DLGAP1: variants seen among roughly 807,000 people sequenced by gnomAD.
The protein encoded by DLGAP1 is DLG associated protein 1, also known as disks large-associated protein 1.
In DLGAP1, 11 loss-of-function variants were observed where a neutral mutation model predicts 90.8. The observed-to-expected ratio is 0.12, with a 90% CI of 0.08 to 0.20. The LOEUF is 0.20. DLGAP1 is among the 10% of genes least tolerant of loss of function. DLGAP1 has a pLI of 1.00. For missense variants in DLGAP1, 1,050 were observed against 1,333.8 expected (o/e 0.79, Z 3.31); for synonymous variants, 558 against 540.7 (o/e 1.03, Z -0.44).
At chr18:3,868,865 A>G (rs1369648227) in intron 4 of DLGAP1, among the ~76,000 whole-genome samples, 8 of 152,140 alleles carry the variant, frequency 5.3e-5, no homozygotes, top group Non-Finnish European at 7.4e-5. Context: ...AGAATGATAT[A>G]CCTGGCTTAG....
chr18:3,858,429 T>C (rs563636333), intron 4 of DLGAP1, among the ~76,000 whole-genome samples: 1 of 151,272 alleles, frequency 6.6e-6, no homozygotes, highest in East Asian at 1.9e-4. Flanking sequence ...TACTTAGTGC[T>C]CACAAGTGTC....
At chr18:3,862,151 G>C (rs148349634) in intron 4 of DLGAP1, among the ~76,000 whole-genome samples, 25 of 152,276 alleles carry the variant, frequency 1.6e-4, no homozygotes, top group African/African-American at 6.0e-4. Flanking sequence ...CTTTCCCTTT[G>C]GCCAAAGGCA....
chr18:4,145,102 C>T (rs906208349), intron 2 of DLGAP1, among the ~76,000 whole-genome samples: 3 of 152,068 alleles, frequency 2.0e-5, no homozygotes, highest in Non-Finnish European at 4.4e-5. Context: ...GTCTTGGTTG[C>T]CCAATTAACA....
At chr18:4,109,372 C>T (rs1441964722) in intron 2 of DLGAP1, among the ~76,000 whole-genome samples, 3 of 152,208 alleles carry the variant, frequency 2.0e-5, no homozygotes, top group African/African-American at 7.2e-5. Context: ...AGAGGTTCCA[C>T]CCACACTCAA....
At chr18:4,089,565 C>A (rs527245298) in intron 2 of DLGAP1, among the ~76,000 whole-genome samples, 1 of 152,196 alleles carries the variant, frequency 6.6e-6, no homozygotes, top group East Asian at 1.9e-4. Flanking sequence ...TACAAGGCTA[C>A]AGTAACCAAA....
chr18:3,742,949 T>TCTATCTTCCTTC (rs144171196), intron 5 of DLGAP1, among the ~76,000 whole-genome samples: 60 of 142,760 alleles, frequency 4.2e-4, no homozygotes, highest in African/African-American at 1.6e-3. Flanking sequence ...TATCAATTTA[T>TCTATCTTCCTTC]CTTCCTTCCT....
intron 7 of DLGAP1, among the ~76,000 whole-genome samples, chr18:3,611,483 C>T (rs1009653712): frequency 4.6e-5 from 7 of 152,164 alleles, no homozygotes; most frequent in African/African-American, 9.7e-5. Context: ...AGATTCCCTA[C>T]GTTCTAGTTA....
intron 1 of DLGAP1, among the ~76,000 whole-genome samples, chr18:4,239,268 G>A (rs2078480421): frequency 6.6e-6 from 1 of 152,166 alleles, no homozygotes; most frequent in Non-Finnish European, 1.5e-5. Flanking sequence ...GAAGGACTGT[G>A]TTTTGATCTA....
chr18:3,801,517 C>T (rs1218460986), intron 5 of DLGAP1, among the ~76,000 whole-genome samples: 1 of 152,160 alleles, frequency 6.6e-6, no homozygotes, highest in African/African-American at 2.4e-5. Flanking sequence ...CAAATCCCGA[C>T]TGTGACACTT....
chr18:4,108,045 T>C (rs1439904992), intron 2 of DLGAP1, among the ~76,000 whole-genome samples: 1 of 152,192 alleles, frequency 6.6e-6, no homozygotes, highest in Non-Finnish European at 1.5e-5. Flanking sequence ...TCCTATTCCC[T>C]CTCTCCTGAA....
intron 1 of DLGAP1, among the ~76,000 whole-genome samples, chr18:4,391,611 C>T (rs1363299717): frequency 6.6e-6 from 1 of 152,124 alleles, no homozygotes; most frequent in Non-Finnish European, 1.5e-5. Context: ...CCCATAACAT[C>T]CCTTTTGAAT....
Position 3,959,872 on chromosome 18 carries a change from A to T in DLGAP1, c.-73+45244T>A, listed in dbSNP as rs987316495. On this transcript the variant is annotated intron_variant, in intron 3 of 12. Coordinates refer to ENST00000315677, the MANE Select transcript of DLGAP1 (RefSeq NM_004746.4). Reference sequence around the variant, plus strand: ...TACAATTATTAATGGGTTATTTTACACCGTCTCTTTTTACACTAAGGCTTG... The same window carrying T: ...TACAATTATTAATGGGTTATTTTACTCCGTCTCTTTTTACACTAAGGCTTG... Among the ~76,000 whole-genome samples the T allele has an allele frequency of 2.0e-5, 3 of 152,210 alleles. No homozygotes were observed. In the South Asian group the frequency reaches 6.2e-4, roughly 32 times the overall value.
intron 2 of DLGAP1, among the ~76,000 whole-genome samples, chr18:4,118,351 C>T (rs2076096458): frequency 6.6e-6 from 1 of 152,152 alleles, no homozygotes; most frequent in African/African-American, 2.4e-5. Context: ...GAGTGACATC[C>T]TGCTCCGCCA....
chr18:3,636,342 T>C (rs1025083895), intron 7 of DLGAP1, among the ~76,000 whole-genome samples: 1 of 151,684 alleles, frequency 6.6e-6, no homozygotes, highest in Non-Finnish European at 1.5e-5. Flanking sequence ...GTCCTCACTA[T>C]TTCTGAGTCC....
intron 5 of DLGAP1, among the ~76,000 whole-genome samples, chr18:3,783,328 G>C (rs2065290826): frequency 6.6e-6 from 1 of 152,060 alleles, no homozygotes; most frequent in Non-Finnish European, 1.5e-5. Context: ...GAAAACATAT[G>C]CCCACATAAA....
At chr18:3,574,356 A>T (rs2054983450) in intron 8 of DLGAP1, among the ~76,000 whole-genome samples, 1 of 152,194 alleles carries the variant, frequency 6.6e-6, no homozygotes, top group Admixed American at 6.5e-5. Flanking sequence ...TAGGGCTAGA[A>T]ATTTTTGTTA....
chr18:3,573,740 C>T (rs2054946042), intron 8 of DLGAP1, among the ~76,000 whole-genome samples: 1 of 151,876 alleles, frequency 6.6e-6, no homozygotes, highest in African/African-American at 2.4e-5. Context: ...GGGTTTCTGT[C>T]ATCCAAGCTG....
intron 2 of DLGAP1, among the ~76,000 whole-genome samples, chr18:4,019,522 C>T (rs1349688623): frequency 6.6e-6 from 1 of 152,020 alleles, no homozygotes; most frequent in Non-Finnish European, 1.5e-5. Context: ...CCAGACTTGC[C>T]TTTATAACTC....
chr18:4,443,871 C>G (rs2083596251), intron 1 of DLGAP1, among the ~76,000 whole-genome samples: 1 of 152,166 alleles, frequency 6.6e-6, no homozygotes, highest in Non-Finnish European at 1.5e-5. Flanking sequence ...GTTACCGTAA[C>G]AATAAAGAAA....
Sources: gnomAD v4.1 joint callset for allele counts (sites outside exome capture counted in the v4.1 genomes callset) on GRCh38, gnomAD v4.1.1 for gene constraint, MANE v1.5 for transcripts, NCBI Gene and HGNC (gene_info 2026-07-23, HGNC 2026-07-21) for gene names.